CALB2: variants seen among roughly 807,000 people sequenced by gnomAD.
CALB2 encodes the protein calbindin 2.
In CALB2, 34 loss-of-function variants were observed where a neutral mutation model predicts 45.9. That is an observed-to-expected ratio of 0.74 (90% CI 0.56 to 0.99). The LOEUF (loss-of-function observed/expected upper bound fraction) is 0.99, where lower values mean the gene tolerates loss of function less well. Among genes scored for constraint, CALB2 ranks in the 50% least tolerant of loss-of-function variants. The pLI is 0.00. For missense variants in CALB2, 344 were observed against 339.3 expected (o/e 1.01, Z -0.11); for synonymous variants, 142 against 129.6 (o/e 1.10, Z -0.65).
Position 71,385,657 on chromosome 16 carries a change from C to G in CALB2, c.699+9C>G. 1 of 1,612,952 alleles carries G rather than the reference C, an allele frequency of 6.2e-7. No homozygotes were observed. Among genetic ancestry groups the G allele is most frequent in the Non-Finnish European group, 8.5e-7 (1 of 1,179,444 alleles). On this transcript the variant is annotated intron_variant, in intron 10 of 10. Coordinates refer to ENST00000302628, the MANE Select transcript of CALB2 (RefSeq NM_001740.5). ...ACGAGAAAAACAAAAAGGTGAGCAG[C>G]CAAGCCTGAGGCCCGGCCACTGTCC...
intron 4 of CALB2, among the ~76,000 whole-genome samples, chr16:71,377,959 C>T (rs1218230185): frequency 2.0e-5 from 3 of 152,230 alleles, no homozygotes; most frequent in South Asian, 2.1e-4. Flanking sequence ...TGGTGGCTCA[C>T]GCCTTGTAAC....
At chr16:71,369,852 G>A (rs1398097870) in intron 1 of CALB2, among the ~76,000 whole-genome samples, 1 of 152,180 alleles carries the variant, frequency 6.6e-6, no homozygotes, top group Non-Finnish European at 1.5e-5. Flanking sequence ...CCAGATCGCT[G>A]CAGGGAGTAA....
At chr16:71,375,345 C>T (rs1284351727) in intron 3 of CALB2, among the ~76,000 whole-genome samples, 1 of 152,126 alleles carries the variant, frequency 6.6e-6, no homozygotes, top group Non-Finnish European at 1.5e-5. Context: ...TACACACATA[C>T]ACTCACACAT....
At chr16:71,377,057 A>C (rs1385358516) in intron 3 of CALB2, among the ~76,000 whole-genome samples, 1 of 152,204 alleles carries the variant, frequency 6.6e-6, no homozygotes, top group Non-Finnish European at 1.5e-5. Flanking sequence ...TTGGCCTGTG[A>C]CACAAGAGTT....
intron 7 of CALB2, 91 bp downstream of exon 7, chr16:71,384,116 C>A: frequency 7.1e-7 from 1 of 1,403,692 alleles, no homozygotes; most frequent in Non-Finnish European, 1.0e-6. Flanking sequence ...GGGAAAGTGA[C>A]AGGTGCGGGT....
chr16:71,375,464 G>T (rs374411273), intron 3 of CALB2, among the ~76,000 whole-genome samples: 5 of 152,266 alleles, frequency 3.3e-5, no homozygotes, highest in African/African-American at 1.2e-4. Context: ...CCAGCACTTT[G>T]GGAGGCTGAG....
At chr16:71,389,550 T>C (rs1261082890) in intron 10 of CALB2, 199 bp from the exon 11 acceptor site, 2 of 730,760 alleles carry the variant, frequency 2.7e-6, no homozygotes, top group Non-Finnish European at 5.0e-6. Flanking sequence ...CCCAAAGCAA[T>C]GCAGCCAGTA....
intron 3 of CALB2, 82 bp from the exon 4 acceptor site, chr16:71,377,585 T>C: frequency 1.1e-6 from 1 of 945,502 alleles, no homozygotes; most frequent in Middle Eastern, 2.1e-4. Context: ...ACTGGCCCTT[T>C]CCATCCTTCT....
chr16:71,377,544 G>A, intron 3 of CALB2, 123 bp from the exon 4 acceptor site: 1 of 665,928 alleles, frequency 1.5e-6, no homozygotes, highest in Non-Finnish European at 2.7e-6. Context: ...AGGAAGGAAG[G>A]AAGAAAACGC....
Position 71,384,933 on chromosome 16 carries a change from G to A in CALB2, c.627+97G>A, listed in dbSNP as rs149167617. 1,169 of 1,054,134 alleles carry A rather than the reference G, an allele frequency of 1.1e-3. 17 individuals are homozygous for A. The East Asian group carries it at 0.026, about 24-fold the overall frequency. 65.3% of individuals were successfully genotyped at this position (1,054,134 alleles called of 1,614,324 possible). A position where few individuals can be genotyped will look rare whatever the true frequency, so the allele number is the denominator to read the frequency against. ...CCCTGGGAAGAGACAGCTTTCCAGG[G>A]GTGGCCTGGGCCGTGTGGTTTCTTC... On this transcript the variant is annotated intron_variant, in intron 9 of 10. Coordinates refer to ENST00000302628, the MANE Select transcript of CALB2 (RefSeq NM_001740.5).
intron 1 of CALB2, among the ~76,000 whole-genome samples, chr16:71,371,563 G>C (rs1260303513): frequency 6.6e-6 from 1 of 152,136 alleles, no homozygotes; most frequent in African/African-American, 2.4e-5. Flanking sequence ...TCCTTGGCTT[G>C]TACACACATC....
rs2042358835 is a variant in CALB2 at position 71,372,162 on chromosome 16, A to G, written c.104A>G (p.Tyr35Cys). 4 of 1,601,914 alleles carry G rather than the reference A, an allele frequency of 2.5e-6. No individual in the cohort carries two copies. The highest frequency in any genetic ancestry group is 3.4e-6 in the Non-Finnish European group (4 of 1,171,062). The part of the protein sequence containing the change: ...WKHFDADGNG[Y>C]IEGKELENFF... ...CTCTCTCTTTTTACAGGAAATGGGT[A>G]TATTGAAGGTAAAGAGCTAGAAAAC... The change falls in exon 2 of 11, where the codon TAT becomes TGT. Residue 35 changes from tyrosine (Y) to cysteine (C), a missense_variant. Transcript: ENST00000302628.
At position 71,383,908 on chromosome 16, in the gene CALB2, AG is replaced by A. The variant is rs1410677111; in HGVS notation, c.478-58del. 1.6e-5 allele frequency: 25 copies of A among 1,574,432 alleles called. No individual in the cohort carries two copies. In the Admixed American group the frequency reaches 4.2e-4, roughly 26 times the overall value. On this transcript the variant is annotated intron_variant, in intron 6 of 10. Coordinates refer to ENST00000302628, the MANE Select transcript of CALB2 (RefSeq NM_001740.5). ...CCTCCTTCCCATCCTCTCCAGTAAA[AG>A]GGGATGTCAGGTCAGAGAAATTCAC...
Position 71,389,850 on chromosome 16 carries a change from C to G in CALB2, c.801C>G (p.Ser267Arg). The part of the protein sequence containing the change: ...YRKDLEIVLC[S>R]EPPM ...AGGACCTGGAGATTGTGCTCTGCAG[C>G]GAGCCCCCCATGTAAAGTGGGGACG... Residue 267 changes from serine to arginine, a missense_variant, in exon 11 of 11, where the codon AGC becomes AGG. This residue lies in a region of CALB2 where 263 missense variants were observed against 241.7 expected (regional missense o/e 1.09). Transcript: ENST00000302628. 6.2e-7 allele frequency: 1 copy of G among 1,612,814 alleles called. No individual in the cohort carries two copies. Among genetic ancestry groups the G allele is most frequent in the Non-Finnish European group, 8.5e-7 (1 of 1,179,144 alleles).
chr16:71,375,483 TC>T (rs1358858993), intron 3 of CALB2, among the ~76,000 whole-genome samples: 1 of 152,028 alleles, frequency 6.6e-6, no homozygotes, highest in East Asian at 1.9e-4. Context: ...AGGCGGAGGA[TC>T]CTTGAGGTCA....
At chr16:71,376,618 TCCACATGCAC>T (rs762635823) in intron 3 of CALB2, among the ~76,000 whole-genome samples, 11 of 150,236 alleles carry the variant, frequency 7.3e-5, no homozygotes, top group East Asian at 2.0e-4. Context: ...CCCACATCCA[TCCACATGCAC>T]CCACATGCAA....
rs774111237 is a variant in CALB2 at position 71,383,930 on chromosome 16, T to C, written c.478-40T>C. On this transcript the variant is annotated intron_variant, in intron 6 of 10. Coordinates refer to ENST00000302628, the MANE Select transcript of CALB2 (RefSeq NM_001740.5). Reference sequence around the variant, plus strand: ...AAAAGGGGATGTCAGGTCAGAGAAATTCACAGCAAATAACCCAGGCACCTT... The same window carrying C: ...AAAAGGGGATGTCAGGTCAGAGAAACTCACAGCAAATAACCCAGGCACCTT... 3.7e-6 allele frequency: 6 copies of C among 1,611,252 alleles called. No individual in the cohort carries two copies. The African/African-American group carries it at 8.0e-5, about 22-fold the overall frequency.
chr16:71,386,365 C>A (rs1280038953), intron 10 of CALB2, among the ~76,000 whole-genome samples: 1 of 152,022 alleles, frequency 6.6e-6, no homozygotes, highest in African/African-American at 2.4e-5. Flanking sequence ...ACTTTCCACA[C>A]AAAGAGAGAT....
At chr16:71,385,379 A>G (rs1247469263) in intron 9 of CALB2, 198 bp from the exon 10 acceptor site, 6 of 480,856 alleles carry the variant, frequency 1.2e-5, no homozygotes, top group Admixed American at 7.2e-5. Context: ...AAGGCTACCC[A>G]AAGCTTGCAC....
Sources: allele counts gnomAD v4.1 joint callset (sites outside exome capture counted in the v4.1 genomes callset), GRCh38; gene constraint gnomAD v4.1.1; regional missense constraint gnomAD v4.1.1; transcripts MANE v1.5; gene names NCBI Gene and HGNC (gene_info 2026-07-23, HGNC 2026-07-21).